CDH13: variants seen among roughly 807,000 people sequenced by gnomAD.
CDH13 encodes the protein cadherin 13, also known as cadherin-13.
CDH13 carries 24 observed loss-of-function variants against 63.8 expected under a neutral mutation model. The observed-to-expected ratio is 0.38, with a 90% CI of 0.27 to 0.53. The LOEUF (loss-of-function observed/expected upper bound fraction) is 0.53, where lower values mean the gene tolerates loss of function less well. CDH13 is among the 20% of genes least tolerant of loss of function. The pLI is 0.85. For synonymous variants in CDH13, 503 were observed against 355.3 expected (o/e 1.42, Z -4.67); for missense variants, 1,049 against 903.1 (o/e 1.16, Z -2.07).
rs144030033 is a variant in CDH13 at position 83,585,853 on chromosome 16, G to A, written c.961-16601G>A. ...ACCAACAGGGGTTTTGGCTACTGGG[G>A]AGGTGAAGAATAGTACTGTGTATGC... On this transcript the variant is annotated intron_variant, in intron 7 of 13. Coordinates refer to ENST00000567109, the MANE Select transcript of CDH13 (RefSeq NM_001257.5). Among the ~76,000 whole-genome samples, 734 of 152,276 alleles carry A rather than the reference G, an allele frequency of 4.8e-3. 10 individuals carry two copies. The highest frequency in any genetic ancestry group is 0.017 in the African/African-American group (700 of 41,536).
At chr16:83,769,146 T>C (rs1195692352) in intron 11 of CDH13, among the ~76,000 whole-genome samples, 3 of 152,064 alleles carry the variant, frequency 2.0e-5, no homozygotes, top group Non-Finnish European at 4.4e-5. Context: ...GGTGAAGTCA[T>C]AGGAAGGGGA....
chr16:83,555,551 T>C (rs559178611), intron 7 of CDH13, among the ~76,000 whole-genome samples: 2 of 152,322 alleles, frequency 1.3e-5, no homozygotes, highest in East Asian at 1.9e-4. Flanking sequence ...GTTGACTGAA[T>C]TGCATGTGAT....
chr16:82,661,431 A>T (rs1050673281), intron 1 of CDH13, among the ~76,000 whole-genome samples: 1 of 152,202 alleles, frequency 6.6e-6, no homozygotes, highest in Non-Finnish European at 1.5e-5. Flanking sequence ...TATTAATGAG[A>T]TGTTATTGTG....
At chr16:83,089,747 C>T (rs748418162) in intron 3 of CDH13, among the ~76,000 whole-genome samples, 17 of 152,118 alleles carry the variant, frequency 1.1e-4, no homozygotes, top group Non-Finnish European at 1.6e-4. Flanking sequence ...GGCTACACGT[C>T]GGAAATGGGA....
At chr16:82,638,823 T>TGTGTGTGTGTGTGTGTGTGTGTGCGCGC (rs139451683) in intron 1 of CDH13, among the ~76,000 whole-genome samples, 26 of 150,902 alleles carry the variant, frequency 1.7e-4, no homozygotes, top group African/African-American at 4.1e-4. Flanking sequence ...GGGCAGTGTG[T>TGTGTGTGTGTGTGTGTGTGTGTGCGCGC]GCGTGTGTGC....
chr16:83,036,055 G>A (rs1049865530), intron 3 of CDH13, among the ~76,000 whole-genome samples: 4 of 152,068 alleles, frequency 2.6e-5, no homozygotes, highest in Admixed American at 6.6e-5. Flanking sequence ...ACACAATGGG[G>A]CTGTTTCTTG....
At chr16:83,490,783 C>G (rs2073996544) in intron 7 of CDH13, among the ~76,000 whole-genome samples, 1 of 152,188 alleles carries the variant, frequency 6.6e-6, no homozygotes, top group Non-Finnish European at 1.5e-5. Flanking sequence ...TCTTCCCCTT[C>G]CATATCTTAA....
intron 5 of CDH13, among the ~76,000 whole-genome samples, chr16:83,254,964 T>G (rs575690449): frequency 0.013 from 74 of 5,776 alleles, no homozygotes; most frequent in Admixed American, 0.015. Context: ...TCTTTCTTTC[T>G]TTCTTTCTTT....
intron 6 of CDH13, among the ~76,000 whole-genome samples, chr16:83,381,353 CT>C (rs2091563667): frequency 6.6e-6 from 1 of 152,106 alleles, no homozygotes; most frequent in Non-Finnish European, 1.5e-5. Context: ...TTTCTGACAT[CT>C]GGCTTCTCCT....
At chr16:82,662,807 C>T (rs1912117526) in intron 1 of CDH13, among the ~76,000 whole-genome samples, 1 of 152,154 alleles carries the variant, frequency 6.6e-6, no homozygotes, top group Non-Finnish European at 1.5e-5. Flanking sequence ...GCTTCTCTGC[C>T]ATTTAGAAGA....
intron 1 of CDH13, among the ~76,000 whole-genome samples, chr16:82,661,237 G>A (rs1911907993): frequency 6.6e-6 from 1 of 152,208 alleles, no homozygotes; most frequent in East Asian, 1.9e-4. Context: ...TAATGAGATA[G>A]TCCTGAGGAC....
intron 2 of CDH13, among the ~76,000 whole-genome samples, chr16:82,998,041 A>G (rs1314588174): frequency 6.6e-6 from 1 of 152,244 alleles, no homozygotes; most frequent in African/African-American, 2.4e-5. Context: ...TTGAGCACTC[A>G]CAGTCATGGT....
Position 82,891,572 on chromosome 16 carries a change from G to A in CDH13, c.157+33099G>A, listed in dbSNP as rs79059646. Among the ~76,000 whole-genome samples the A allele has an allele frequency of 2.5e-3, 376 of 152,214 alleles. 8 individuals are homozygous for A. In the East Asian group the frequency reaches 0.057, roughly 23 times the overall value. On this transcript the variant is annotated intron_variant, in intron 2 of 13. Coordinates refer to ENST00000567109, the MANE Select transcript of CDH13 (RefSeq NM_001257.5). ...CCCTCCAACTGCTCATGCACTTATC[G>A]GACATATGTTGTTATTTTTGGATCA...
At chr16:82,697,776 TG>T (rs1284042674) in intron 1 of CDH13, among the ~76,000 whole-genome samples, 81 of 144,034 alleles carry the variant, frequency 5.6e-4, no homozygotes, top group African/African-American at 1.7e-3. Context: ...TGTGTGTGTG[TG>T]TGTGTGTGTG....
intron 7 of CDH13, among the ~76,000 whole-genome samples, chr16:83,509,733 C>A (rs546132057): frequency 6.6e-6 from 1 of 152,242 alleles, no homozygotes; most frequent in South Asian, 2.1e-4. Flanking sequence ...GTAAAAAATA[C>A]TAATAATAAA....
intron 2 of CDH13, among the ~76,000 whole-genome samples, chr16:82,917,008 A>G (rs1030967581): frequency 7.9e-5 from 12 of 152,240 alleles, no homozygotes; most frequent in African/African-American, 2.4e-4. Flanking sequence ...TACTCACTGT[A>G]AAAGTGATCG....
At chr16:82,736,756 T>A (rs548588967) in intron 1 of CDH13, among the ~76,000 whole-genome samples, 2 of 152,334 alleles carry the variant, frequency 1.3e-5, no homozygotes, top group East Asian at 3.9e-4. Context: ...ACACTCACTC[T>A]CTTACCCTTT....
intron 1 of CDH13, among the ~76,000 whole-genome samples, chr16:82,683,598 A>G (rs972337604): frequency 6.6e-6 from 1 of 152,224 alleles, no homozygotes; most frequent in Admixed American, 6.5e-5. Flanking sequence ...CTCAAGGGGT[A>G]AGAGAATAAG....
chr16:82,893,259 G>A (rs1031827766), intron 2 of CDH13, among the ~76,000 whole-genome samples: 1 of 152,254 alleles, frequency 6.6e-6, no homozygotes, highest in Non-Finnish European at 1.5e-5. Context: ...ACACATATGT[G>A]TTGGCATCAG....
Sources: gnomAD v4.1 joint callset for allele counts (sites outside exome capture counted in the v4.1 genomes callset) on GRCh38, gnomAD v4.1.1 for gene constraint, MANE v1.5 for transcripts, NCBI Gene and HGNC (gene_info 2026-07-23, HGNC 2026-07-21) for gene names.